Variants in EFNB2 observed in about 807,000 individuals in gnomAD.
EFNB2 encodes the protein ephrin B2.
EFNB2 carries 5 observed loss-of-function variants against 32.1 expected under a neutral mutation model. That is an observed-to-expected ratio of 0.16 (90% CI 0.08 to 0.33). The LOEUF is 0.33. Among genes scored for constraint, EFNB2 ranks in the 10% least tolerant of loss-of-function variants. The pLI is 1.00. For missense variants in EFNB2, 263 were observed against 422.6 expected, an observed-to-expected ratio of 0.62 and a Z score of 3.31; for synonymous variants, 168 against 166.5, an observed-to-expected ratio of 1.01 and a Z score of -0.07.
Position 106,492,597 on chromosome 13 carries a change from C to G in EFNB2, c.*443G>C, listed in dbSNP as rs981363095. On this transcript the variant is annotated 3_prime_UTR_variant, in exon 5 of 5. Transcript: ENST00000646441. The surrounding 1 kb of genome is among the most constrained non-coding windows in gnomAD (Gnocchi z 5.1). ...TGCACACCTTAACTAGCCCGAGGTC[C>G]GTGTGACAAGTCCGGTATGCACTGC... The G allele has an allele frequency of 5.9e-6, 1 of 170,122 alleles. No individual in the cohort carries two copies. The highest frequency in any genetic ancestry group is 1.5e-4 in the East Asian group (1 of 6,664). 10.5% of individuals were successfully genotyped at this position (170,122 alleles called of 1,614,324 possible).
At chr13:106,525,463 A>C (rs1354992683) in intron 1 of EFNB2, among the ~76,000 whole-genome samples, 1 of 152,172 alleles carries the variant, frequency 6.6e-6, no homozygotes, top group Non-Finnish European at 1.5e-5. Flanking sequence ...CCTGTGAGGG[A>C]TCTGTCTTGA....
At chr13:106,530,626 T>A (rs1210299948) in intron 1 of EFNB2, among the ~76,000 whole-genome samples, 4 of 152,290 alleles carry the variant, frequency 2.6e-5, no homozygotes, top group African/African-American at 7.2e-5. Flanking sequence ...TAAAAATTTT[T>A]TTATTAGGGT....
intron 1 of EFNB2, among the ~76,000 whole-genome samples, 178 bp from the exon 2 acceptor site, chr13:106,512,990 G>C (rs978726676): frequency 6.6e-6 from 1 of 152,152 alleles, no homozygotes; most frequent in Non-Finnish European, 1.5e-5. Context: ...TTGGAATTAA[G>C]CTTTAAAAGA....
intron 1 of EFNB2, among the ~76,000 whole-genome samples, chr13:106,533,730 T>G (rs995368717): frequency 6.6e-6 from 1 of 152,230 alleles, no homozygotes; most frequent in Non-Finnish European, 1.5e-5. Context: ...ATTTTGCTTC[T>G]GATCTCAAAC....
Position 106,535,030 on chromosome 13 carries a change from C to T in EFNB2, c.-66G>A. ...GGGACTGACGGGACGCAGGCTGGGA[C>T]CCCCAATCCTCCGGGGCAGACTGGC... is the stretch of plus-strand genomic sequence containing the variant. On this transcript the variant is annotated 5_prime_UTR_variant, in exon 1 of 5. Coordinates refer to ENST00000646441, the MANE Select transcript of EFNB2 (RefSeq NM_004093.4). The T allele has an allele frequency of 6.3e-7, 1 of 1,593,388 alleles. No homozygotes were observed. The highest frequency in any genetic ancestry group is 8.5e-7 in the Non-Finnish European group (1 of 1,170,990).
chr13:106,497,647 C>T (rs1878636287), intron 2 of EFNB2, among the ~76,000 whole-genome samples: 1 of 152,076 alleles, frequency 6.6e-6, no homozygotes, highest in Non-Finnish European at 1.5e-5. Context: ...CCTGTTAACT[C>T]GTCATTTACA....
intron 2 of EFNB2, among the ~76,000 whole-genome samples, chr13:106,498,438 T>A (rs2138903314): frequency 6.6e-6 from 1 of 152,296 alleles, no homozygotes; most frequent in East Asian, 1.9e-4. Flanking sequence ...TTTTAATTTG[T>A]AGGTCAGTGC....
At position 106,493,015 on chromosome 13, in the gene EFNB2, A is replaced by G; in HGVS notation, c.*25T>C. ...CGGGACATTAGGTGTCCTCTGGGAA[A>G]GCACAGGTACCACCAGGGTCCCTCT... On this transcript the variant is annotated 3_prime_UTR_variant, in exon 5 of 5. Coordinates refer to ENST00000646441, the MANE Select transcript of EFNB2 (RefSeq NM_004093.4). This position sits in a 1 kb window ranked among gnomAD's most constrained non-coding sequence, Gnocchi z 6.1. The G allele has an allele frequency of 6.3e-7, 1 of 1,580,248 alleles. No homozygotes were observed. Among genetic ancestry groups the G allele is most frequent in the Non-Finnish European group, 8.6e-7 (1 of 1,160,852 alleles).
Position 106,493,078 on chromosome 13 carries a change from G to C in EFNB2, c.964C>G (p.Pro322Ala), listed in dbSNP as rs759571591. 6.2e-7 allele frequency: 1 copy of C among 1,613,358 alleles called. No homozygotes were observed. Among genetic ancestry groups the C allele is most frequent in the Non-Finnish European group, 8.5e-7 (1 of 1,179,636 alleles). The part of the protein sequence containing the change: ...GHPVYIVQEM[P>A]PQSPANIYYK... ...TAAATGTTCGCCGGGCTCTGCGGGG[G>C]CATCTCCTGGACGATGTACACCGGG... The change falls in exon 5 of 5, where the codon CCC becomes GCC. Residue 322 changes from proline (P) to alanine (A), a missense_variant. Coordinates refer to ENST00000646441, the MANE Select transcript of EFNB2 (RefSeq NM_004093.4). This position sits in a 1 kb window ranked among gnomAD's most constrained non-coding sequence, Gnocchi z 6.1.
chr13:106,517,324 G>C (rs1304157866), intron 1 of EFNB2: 1 of 152,136 alleles, frequency 6.6e-6, no homozygotes, highest in Non-Finnish European at 1.5e-5. Flanking sequence ...ACCACATGGG[G>C]GGAGGCTGTT....
chr13:106,493,468 G>T lies in EFNB2; in HGVS notation c.614-40C>A. The T allele has an allele frequency of 1.3e-6, 2 of 1,573,576 alleles. No individual in the cohort carries two copies. Among genetic ancestry groups the T allele is most frequent in the Non-Finnish European group, 1.7e-6 (2 of 1,157,716 alleles). On this transcript the variant is annotated intron_variant, in intron 4 of 4. Coordinates refer to ENST00000646441, the MANE Select transcript of EFNB2 (RefSeq NM_004093.4). This position sits in a 1 kb window ranked among gnomAD's most constrained non-coding sequence, Gnocchi z 6.1. ...ACAGAAAAGGTCAGAGATAGTTACT[G>T]CTGTCCCAGTGCAGACGGACTGCTT...
At chr13:106,527,266 AATT>A (rs1465027947) in intron 1 of EFNB2, among the ~76,000 whole-genome samples, 2 of 151,784 alleles carry the variant, frequency 1.3e-5, no homozygotes, top group African/African-American at 4.8e-5. Flanking sequence ...ATAAATAAAT[AATT>A]ATAATAATAC....
In EFNB2 at chr13:106,512,520, T is replaced by C; in HGVS notation, c.406+9A>G. The stretch of plus-strand genomic sequence containing the variant: ...TTTCTATAAAATAAATGAATAAAAT[T>C]ATACTTACATATAATGTAATAATCT... On this transcript the variant is annotated intron_variant, in intron 2 of 4. Coordinates refer to ENST00000646441, the MANE Select transcript of EFNB2 (RefSeq NM_004093.4). The C allele has an allele frequency of 1.3e-6, 2 of 1,514,266 alleles. No homozygotes were observed. The highest frequency in any genetic ancestry group is 2.6e-5 in the South Asian group (2 of 75,892). The allele number at this position is 1,514,266 out of a possible 1,614,324, so 93.8% of individuals were successfully genotyped here.
chr13:106,535,457 G>C lies in EFNB2; in HGVS notation c.-493C>G, dbSNP rs1170233540. The stretch of plus-strand genomic sequence containing the variant: ...GGCGCGGTTCCATGTCCCGGAGCAC[G>C]GAGCGGAGTAGGGCGCCTCCGGGCG... On this transcript the variant is annotated 5_prime_UTR_variant, in exon 1 of 5. Transcript: ENST00000646441. The C allele has an allele frequency of 6.7e-6, 1 of 150,306 alleles. No homozygotes were observed. The highest frequency in any genetic ancestry group is 2.1e-4 in the South Asian group (1 of 4,828). The allele number at this position is 150,306 out of a possible 1,614,324, so 9.3% of individuals were successfully genotyped here.
chr13:106,529,059 T>C (rs1489352581), intron 1 of EFNB2, among the ~76,000 whole-genome samples: 1 of 152,188 alleles, frequency 6.6e-6, no homozygotes, highest in East Asian at 1.9e-4. Flanking sequence ...TTGTATTTTA[T>C]CTTTTTTTCC....
At chr13:106,501,843 C>T (rs748806412) in intron 2 of EFNB2, among the ~76,000 whole-genome samples, 81 of 152,296 alleles carry the variant, frequency 5.3e-4, no homozygotes, top group African/African-American at 1.7e-3. Context: ...CCGCCCGCCT[C>T]GGCCTCCCAA....
chr13:106,511,825 C>T (rs1171522050), intron 2 of EFNB2, among the ~76,000 whole-genome samples: 1 of 152,154 alleles, frequency 6.6e-6, no homozygotes, highest in Non-Finnish European at 1.5e-5. Context: ...GCGTGGGCTC[C>T]AAATGTGCTC....
At chr13:106,510,992 C>G (rs112418473) in intron 2 of EFNB2, among the ~76,000 whole-genome samples, 1 of 151,824 alleles carries the variant, frequency 6.6e-6, no homozygotes, top group Admixed American at 6.6e-5. Context: ...AGAGAGACTC[C>G]GTCTCAAAAA....
intron 1 of EFNB2, among the ~76,000 whole-genome samples, chr13:106,515,894 T>C (rs1317573295): frequency 6.6e-6 from 1 of 152,206 alleles, no homozygotes; most frequent in African/African-American, 2.4e-5. Flanking sequence ...GTAACCTATG[T>C]TGTGCCAGAC....
Sources: allele counts gnomAD v4.1 joint callset (sites outside exome capture counted in the v4.1 genomes callset), GRCh38; gene constraint gnomAD v4.1.1; non-coding constraint Gnocchi (gnomAD v3.1); transcripts MANE v1.5; gene names NCBI Gene and HGNC (gene_info 2026-07-23, HGNC 2026-07-21).